PADI4: variants seen among roughly 807,000 people sequenced by gnomAD.
The protein encoded by PADI4 is protein-arginine deiminase type-4.
In PADI4, 62 loss-of-function variants were observed where a neutral mutation model predicts 75.0. That is an observed-to-expected ratio of 0.83 (90% CI 0.67 to 1.02). The LOEUF (loss-of-function observed/expected upper bound fraction) is 1.02, where lower values mean the gene tolerates loss of function less well. Among genes scored for constraint, PADI4 ranks in the 50% least tolerant of loss-of-function variants. The pLI is 0.00. For missense variants in PADI4, 845 were observed against 850.5 expected (o/e 0.99, Z 0.08); for synonymous variants, 361 against 348.1 (o/e 1.04, Z -0.41).
intron 13 of PADI4, among the ~76,000 whole-genome samples, chr1:17,358,207 T>C (rs1443978873): frequency 6.6e-6 from 1 of 150,902 alleles, no homozygotes. Context: ...AAGATCGCAC[T>C]ACTGCACTCC....
chr1:17,319,967 C>A (rs925309131), intron 1 of PADI4, among the ~76,000 whole-genome samples: 2 of 152,216 alleles, frequency 1.3e-5, no homozygotes, highest in African/African-American at 4.8e-5. Flanking sequence ...GTGGGGTAAA[C>A]TTAATATAAC....
At chr1:17,329,782 T>C (rs1481187334) in intron 1 of PADI4, among the ~76,000 whole-genome samples, 1 of 152,212 alleles carries the variant, frequency 6.6e-6, no homozygotes, top group African/African-American at 2.4e-5. Context: ...TCCAATCGAA[T>C]TGTTATTTCC....
At position 17,330,997 on chromosome 1, in the gene PADI4, A is replaced by G; in HGVS notation, c.121A>G (p.Ser41Gly). The change falls in exon 2 of 16, where the codon AGC becomes GGC. Residue 41 changes from serine (S) to glycine (G), a missense_variant. By Grantham distance (56) the Ser-to-Gly change is moderately conservative. Transcript: ENST00000375448. ...TGCCCCTGAGGACTGCACGTCCTTCAGCATCAACGCCTCCCCAGGGGTGGT... is the reference window on the plus strand; with the variant it reads ...TGCCCCTGAGGACTGCACGTCCTTCGGCATCAACGCCTCCCCAGGGGTGGT... ...SSAPEDCTSF[S>G]INASPGVVVD... 1.9e-6 allele frequency: 3 copies of G among 1,592,776 alleles called. No homozygotes were observed. Among genetic ancestry groups the G allele is most frequent in the Non-Finnish European group, 1.7e-6 (2 of 1,171,938 alleles).
chr1:17,347,251 T>C (rs2074533469), intron 9 of PADI4, among the ~76,000 whole-genome samples: 1 of 152,226 alleles, frequency 6.6e-6, no homozygotes, highest in East Asian at 1.9e-4. Flanking sequence ...TTCCATTTTT[T>C]TGATACCAAG....
At chr1:17,352,658 G>A (rs1002152817) in intron 10 of PADI4, among the ~76,000 whole-genome samples, 2 of 152,156 alleles carry the variant, frequency 1.3e-5, no homozygotes, top group Admixed American at 1.3e-4. Flanking sequence ...TGACCTCTGT[G>A]GGTGGCAGGC....
At position 17,318,847 on chromosome 1, in the gene PADI4, G is replaced by A. The variant is rs749359258; in HGVS notation, c.92+10533G>A. Among the ~76,000 whole-genome samples, 184 of 151,908 alleles carry A rather than the reference G, an allele frequency of 1.2e-3. 2 individuals are homozygous for A. Among genetic ancestry groups the A allele is most frequent in the Non-Finnish European group, 1.4e-3 (94 of 67,964 alleles). On this transcript the variant is annotated intron_variant, in intron 1 of 15. Coordinates refer to ENST00000375448, the MANE Select transcript of PADI4 (RefSeq NM_012387.3). ...ACTACAGGCACCCGCCACAACTCCC[G>A]GCTAATTTTTTTTTGTATTTTTAAT...
rs139336797 is a variant in PADI4 at position 17,317,979 on chromosome 1, G to A, written c.92+9665G>A. On this transcript the variant is annotated intron_variant, in intron 1 of 15. Coordinates refer to ENST00000375448, the MANE Select transcript of PADI4 (RefSeq NM_012387.3). ...TTCAAGTCTGCCGTGAGCCATGATT[G>A]TGCCTCTGCATTCCAGCAAGACCTC... Among the ~76,000 whole-genome samples, 463 of 152,316 alleles carry A rather than the reference G, an allele frequency of 3.0e-3. 3 individuals are homozygous for A. The highest frequency in any genetic ancestry group is 0.011 in the African/African-American group (443 of 41,574).
intron 2 of PADI4, among the ~76,000 whole-genome samples, chr1:17,331,357 C>T (rs72916857): frequency 0.014 from 2,193 of 152,288 alleles, 69 homozygotes; most frequent in African/African-American, 0.05. Context: ...TTAGATTAAA[C>T]TCTATTCAGC....
At chr1:17,336,726 T>A (rs2074319369) in intron 4 of PADI4, among the ~76,000 whole-genome samples, 1 of 151,996 alleles carries the variant, frequency 6.6e-6, no homozygotes, top group Non-Finnish European at 1.5e-5. Flanking sequence ...TAAACCAGAG[T>A]CTGCAGGTAA....
intron 5 of PADI4, among the ~76,000 whole-genome samples, chr1:17,338,434 G>A (rs1048826417): frequency 3.3e-5 from 5 of 152,068 alleles, no homozygotes; most frequent in Admixed American, 3.3e-4. Flanking sequence ...CAACCTAAAC[G>A]CTCTTAGGTC....
At chr1:17,355,081 G>A (rs760111087) in intron 11 of PADI4, among the ~76,000 whole-genome samples, 9 of 152,180 alleles carry the variant, frequency 5.9e-5, no homozygotes, top group Non-Finnish European at 1.2e-4. Flanking sequence ...GAACTGTTAG[G>A]GTGACCAGGG....
chr1:17,352,727 G>A (rs796547103), intron 10 of PADI4, among the ~76,000 whole-genome samples: 11 of 152,282 alleles, frequency 7.2e-5, no homozygotes, highest in African/African-American at 2.6e-4. Context: ...AGAATGAGGG[G>A]GTGGGAAGAG....
chr1:17,315,001 A>G (rs541341884), intron 1 of PADI4, among the ~76,000 whole-genome samples: 1 of 152,168 alleles, frequency 6.6e-6, no homozygotes. Context: ...GGGTGATGAC[A>G]ACCCAGCCAT....
chr1:17,348,362 G>T (rs1273471347), intron 10 of PADI4, among the ~76,000 whole-genome samples: 1 of 152,212 alleles, frequency 6.6e-6, no homozygotes, highest in African/African-American at 2.4e-5. Context: ...CAAGGTGGAG[G>T]TGGGGCCGGG....
At chr1:17,357,085 G>A (rs879774772) in intron 13 of PADI4, among the ~76,000 whole-genome samples, 3 of 152,174 alleles carry the variant, frequency 2.0e-5, no homozygotes, top group Non-Finnish European at 2.9e-5. Context: ...ATAATTTAGC[G>A]TTAATGCAAG....
rs751866498 is a variant in PADI4 at position 17,333,932 on chromosome 1, C to T, written c.274-11C>T. 2.5e-6 allele frequency: 4 copies of T among 1,602,662 alleles called. No individual in the cohort carries two copies. In the Admixed American group the frequency reaches 5.0e-5, roughly 20 times the overall value. ...ACTAAGAGAAGTCATTAGTGATCTG[C>T]TCTCCCATAGGTTCAGATTTCATAC... On this transcript the variant is annotated splice_polypyrimidine_tract_variant and intron_variant, in intron 2 of 15. Transcript: ENST00000375448.
chr1:17,363,651 A>C lies in PADI4; in HGVS notation c.1888A>C (p.Ile630Leu). Reference sequence around the variant, plus strand: ...GCCACTGGGCCTCCAGTGCACCTTCATCAACGACTTCTTCACCTACCACAT... The same window carrying C: ...GCCACTGGGCCTCCAGTGCACCTTCCTCAACGACTTCTTCACCTACCACAT... ...LEPLGLQCTF[I>L]NDFFTYHIRH... Residue 630 changes from isoleucine (I) to leucine (L), a missense_variant, in exon 16 of 16, where the codon ATC becomes CTC. Ile to Leu is a conservative substitution (Grantham distance 5). Coordinates refer to ENST00000375448, the MANE Select transcript of PADI4 (RefSeq NM_012387.3). 6.2e-7 allele frequency: 1 copy of C among 1,614,188 alleles called. No individual in the cohort carries two copies. The highest frequency in any genetic ancestry group is 2.2e-5 in the East Asian group (1 of 44,878).
At position 17,356,659 on chromosome 1, in the gene PADI4, G is replaced by A. The variant is rs187345308; in HGVS notation, c.1558+200G>A. On this transcript the variant is annotated intron_variant, in intron 13 of 15. Coordinates refer to ENST00000375448, the MANE Select transcript of PADI4 (RefSeq NM_012387.3). This position sits in a 1 kb window ranked among gnomAD's most constrained non-coding sequence, Gnocchi z 4.1. The stretch of plus-strand genomic sequence containing the variant: ...CTGTGGGCTCACAGGCCAGGGGGAA[G>A]TGAGTCAAAAGAACAGCTCCAACAC... Among the ~76,000 whole-genome samples the A allele has an allele frequency of 1.3e-5, 2 of 152,332 alleles. No homozygotes were observed. Among genetic ancestry groups the A allele is most frequent in the East Asian group, 3.9e-4 (2 of 5,176 alleles).
chr1:17,362,134 T>C (rs558030289), intron 15 of PADI4, among the ~76,000 whole-genome samples: 29 of 151,804 alleles, frequency 1.9e-4, no homozygotes, highest in Non-Finnish European at 3.1e-4. Context: ...TCCCAGCACT[T>C]TGGGAGGCTT....
Sources: gnomAD v4.1 joint callset for allele counts (sites outside exome capture counted in the v4.1 genomes callset) on GRCh38, gnomAD v4.1.1 for gene constraint, Gnocchi (gnomAD v3.1) non-coding constraint, MANE v1.5 for transcripts, NCBI Gene and HGNC (gene_info 2026-07-23, HGNC 2026-07-21) for gene names.